Variants in KCNIP4 observed in about 807,000 individuals in gnomAD.
KCNIP4 encodes Kv channel-interacting protein 4.
Under a neutral mutation model 34.0 loss-of-function variants are expected in KCNIP4, and 12 were observed. The observed-to-expected ratio is 0.35, with a 90% confidence interval of 0.23 to 0.57. KCNIP4 has a LOEUF of 0.57. KCNIP4 is among the 20% of genes least tolerant of loss of function. KCNIP4 has a pLI of 0.83. For synonymous variants in KCNIP4, 124 were observed against 102.2 expected (o/e 1.21, Z -1.29); for missense variants, 238 against 311.7 (o/e 0.76, Z 1.78).
intron 1 of KCNIP4, among the ~76,000 whole-genome samples, chr4:21,678,367 G>C (rs1712850486): frequency 8.0e-6 from 1 of 124,484 alleles, no homozygotes; most frequent in Non-Finnish European, 1.6e-5. Flanking sequence ...TTAGTTAATG[G>C]ACCATGCAAA....
chr4:21,763,775 T>C (rs1718213749), intron 1 of KCNIP4, among the ~76,000 whole-genome samples: 1 of 152,198 alleles, frequency 6.6e-6, no homozygotes, highest in Admixed American at 6.5e-5. Context: ...AGTCTTGTTA[T>C]ATACATCTTC....
intron 1 of KCNIP4, among the ~76,000 whole-genome samples, chr4:21,836,447 T>C (rs1223600248): frequency 6.6e-6 from 1 of 152,148 alleles, no homozygotes; most frequent in Admixed American, 6.6e-5. Flanking sequence ...GATGTCCTAT[T>C]TTTTTCCAAG....
At chr4:20,851,835 T>C (rs75552420) in intron 2 of KCNIP4, among the ~76,000 whole-genome samples, 68 of 152,300 alleles carry the variant, frequency 4.5e-4, no homozygotes, top group African/African-American at 1.6e-3. Context: ...CTATGTAAAA[T>C]GCAACTACAA....
intron 1 of KCNIP4, among the ~76,000 whole-genome samples, chr4:21,370,168 C>T (rs1211281233): frequency 1.4e-5 from 2 of 147,394 alleles, no homozygotes; most frequent in Non-Finnish European, 2.9e-5. Flanking sequence ...AGAAGACTGC[C>T]TCTAAGCTAC....
At chr4:21,419,110 C>G (rs1725224464) in intron 1 of KCNIP4, among the ~76,000 whole-genome samples, 1 of 152,146 alleles carries the variant, frequency 6.6e-6, no homozygotes, top group Non-Finnish European at 1.5e-5. Context: ...TTGATGCATC[C>G]TTCTGCTGCA....
At chr4:21,389,207 C>T (rs184587901) in intron 1 of KCNIP4, among the ~76,000 whole-genome samples, 2 of 152,130 alleles carry the variant, frequency 1.3e-5, no homozygotes, top group East Asian at 3.9e-4. Context: ...TCTGAAAGTC[C>T]TGGGCTCAAG....
At chr4:21,188,140 T>C (rs1283681489) in intron 1 of KCNIP4, among the ~76,000 whole-genome samples, 1 of 152,232 alleles carries the variant, frequency 6.6e-6, no homozygotes, top group East Asian at 1.9e-4. Context: ...TAATAATTTT[T>C]AGTTATTTAT....
chr4:21,711,708 G>A (rs550690581), intron 1 of KCNIP4, among the ~76,000 whole-genome samples: 14 of 152,126 alleles, frequency 9.2e-5, no homozygotes, highest in Non-Finnish European at 1.9e-4. Context: ...TATTGTTTTT[G>A]CAGAAAAGTA....
chr4:21,519,515 C>T (rs868675490), intron 1 of KCNIP4, among the ~76,000 whole-genome samples: 17 of 93,772 alleles, frequency 1.8e-4, no homozygotes, highest in East Asian at 3.5e-4. Context: ...TGTGTATATA[C>T]ACATATGTGT....
intron 3 of KCNIP4, among the ~76,000 whole-genome samples, chr4:20,788,353 T>A (rs946383375): frequency 6.6e-6 from 1 of 152,152 alleles, no homozygotes; most frequent in Admixed American, 6.6e-5. Context: ...CCAGGACATA[T>A]AACAGTTGCT....
At position 20,734,693 on chromosome 4, in the gene KCNIP4, G is replaced by A. The variant is rs1294858626; in HGVS notation, c.472C>T (p.Gln158Ter). ...GLSILLRGTVQEKLNWAFNLY... is the reference protein window; with the variant it reads ...GLSILLRGTV ...TTAAATGCCCAATTGAGTTTTTCTTGTACTGTCCCCCGGAGCAAAATGGAA... is the reference window on the plus strand; with the variant it reads ...TTAAATGCCCAATTGAGTTTTTCTTATACTGTCCCCCGGAGCAAAATGGAA... The change falls in exon 6 of 9, where the codon CAA becomes TAA. Residue 158 changes from glutamine (Q) to a stop codon, truncating the protein, a stop_gained. Coordinates refer to ENST00000382152, the MANE Select transcript of KCNIP4 (RefSeq NM_025221.6). LOFTEE classifies it high-confidence loss of function. The A allele has an allele frequency of 6.2e-7, 1 of 1,600,766 alleles. No individual in the cohort carries two copies. The highest frequency in any genetic ancestry group is 1.4e-5 in the African/African-American group (1 of 74,054).
intron 1 of KCNIP4, among the ~76,000 whole-genome samples, chr4:21,313,510 A>G (rs761308289): frequency 3.9e-5 from 6 of 152,242 alleles, no homozygotes; most frequent in Non-Finnish European, 8.8e-5. Context: ...TTAAACACAA[A>G]TATTTCAAAT....
Position 21,132,514 on chromosome 4 carries a change from T to C in KCNIP4, c.62-249805A>G, listed in dbSNP as rs146399856. 2.2e-4 allele frequency among the ~76,000 whole-genome samples: 34 copies of C among 152,324 alleles called. No individual in the cohort carries two copies. In the East Asian group the frequency reaches 6.6e-3, roughly 29 times the overall value. On this transcript the variant is annotated intron_variant, in intron 1 of 8. Coordinates refer to ENST00000382152, the MANE Select transcript of KCNIP4 (RefSeq NM_025221.6). The stretch of plus-strand genomic sequence containing the variant: ...CTAGATTATTATTAAAAGTGCCTCA[T>C]TTCTCTCTCAGAGGTGTCTTGGTTT...
chr4:21,294,864 T>C (rs1383447969), intron 1 of KCNIP4, among the ~76,000 whole-genome samples: 1 of 152,156 alleles, frequency 6.6e-6, no homozygotes, highest in African/African-American at 2.4e-5. Flanking sequence ...TGTGCCCAAT[T>C]TGAATATTTC....
intron 1 of KCNIP4, among the ~76,000 whole-genome samples, chr4:21,028,087 G>A (rs1054433247): frequency 6.6e-6 from 1 of 152,026 alleles, no homozygotes; most frequent in Admixed American, 6.6e-5. Context: ...CAGTCATTCA[G>A]GCCAATACCA....
At chr4:20,929,227 T>C (rs975010073) in intron 1 of KCNIP4, among the ~76,000 whole-genome samples, 7 of 151,962 alleles carry the variant, frequency 4.6e-5, no homozygotes, top group African/African-American at 9.7e-5. Flanking sequence ...TGGTTTAACA[T>C]ACACGAATGA....
At chr4:21,529,846 T>C (rs1736525490) in intron 1 of KCNIP4, among the ~76,000 whole-genome samples, 1 of 152,170 alleles carries the variant, frequency 6.6e-6, no homozygotes, top group African/African-American at 2.4e-5. Context: ...AAATACATCA[T>C]GGCATGTCTT....
intron 3 of KCNIP4, among the ~76,000 whole-genome samples, chr4:20,764,900 G>A (rs1755263993): frequency 6.6e-6 from 1 of 152,100 alleles, no homozygotes; most frequent in Non-Finnish European, 1.5e-5. Context: ...GCGGTTTATT[G>A]AGGATAAAAT....
At chr4:21,186,175 G>T (rs562166422) in intron 1 of KCNIP4, among the ~76,000 whole-genome samples, 15 of 152,044 alleles carry the variant, frequency 9.9e-5, no homozygotes, top group Non-Finnish European at 1.9e-4. Flanking sequence ...TTTCCTCTGA[G>T]TATAATACTA....
Sources: gnomAD v4.1 joint callset for allele counts (sites outside exome capture counted in the v4.1 genomes callset) on GRCh38, gnomAD v4.1.1 for gene constraint, MANE v1.5 for transcripts, NCBI Gene and HGNC (gene_info 2026-07-23, HGNC 2026-07-21) for gene names.